Variants in ZNF469 observed in about 807,000 individuals in gnomAD.
ZNF469 encodes zinc finger protein 469.
ZNF469 carries 1 observed loss-of-function variant against 1.0 expected under a neutral mutation model. The ratio of observed to expected loss-of-function variants is 1.00; its 90% CI spans 0.35 to 4.73. ZNF469 has a LOEUF of 4.73. Among genes scored for constraint, ZNF469 ranks in the 30% most tolerant of loss-of-function variants. ZNF469 has a pLI of 0.16. For synonymous variants in ZNF469, 2,703 were observed against 2,363.4 expected (o/e 1.14, Z -4.17); for missense variants, 6,100 against 5,356.3 (o/e 1.14, Z -4.33).
At chr16:88,316,205 C>A in the ZNF469 span, among the ~76,000 whole-genome samples, 1 of 152,222 alleles carries the variant, frequency 6.6e-6, no homozygotes, top group Non-Finnish European at 1.5e-5. Context: ...TTTGAACAGT[C>A]CTAAGTCAGA....
the ZNF469 span, among the ~76,000 whole-genome samples, chr16:88,247,705 A>ATGAGTGAGTCAATGAGCGAG: frequency 1.3e-5 from 2 of 151,924 alleles, no homozygotes; most frequent in Admixed American, 1.3e-4. Flanking sequence ...GAGTGAGTGA[A>ATGAGTGAGTCAATGAGCGAG]TGAGTGAGTC....
At chr16:88,224,761 G>GTC in the ZNF469 span, among the ~76,000 whole-genome samples, 45 of 150,270 alleles carry the variant, frequency 3.0e-4, no homozygotes, top group African/African-American at 1.1e-3. Context: ...GTGCACGTGT[G>GTC]TGTCTGTAAG....
chr16:88,370,119 C>G, the ZNF469 span, among the ~76,000 whole-genome samples: 2,461 of 152,360 alleles, frequency 0.016, 67 homozygotes, highest in East Asian at 0.077. Context: ...TGTCTTCCCA[C>G]TGTTCCCAGG....
upstream of ZNF469, among the ~76,000 whole-genome samples, chr16:88,381,908 T>C (rs1319820965): frequency 1.3e-5 from 2 of 152,234 alleles, no homozygotes; most frequent in Non-Finnish European, 2.9e-5. Context: ...AGAAGGCCCG[T>C]GGTTAGGCCA....
the ZNF469 span, among the ~76,000 whole-genome samples, chr16:88,279,015 C>A: frequency 6.6e-6 from 1 of 151,110 alleles, no homozygotes; most frequent in Non-Finnish European, 1.5e-5. Flanking sequence ...ATGTAGATAT[C>A]ATTAGTGCTG....
At chr16:88,134,753 G>C in the ZNF469 span, among the ~76,000 whole-genome samples, 2 of 152,220 alleles carry the variant, frequency 1.3e-5, no homozygotes, top group Non-Finnish European at 2.9e-5. Context: ...CCTCGAGCAA[G>C]CTGGTGTCAT....
At chr16:88,186,032 G>C in the ZNF469 span, among the ~76,000 whole-genome samples, 3 of 152,192 alleles carry the variant, frequency 2.0e-5, no homozygotes, top group African/African-American at 7.2e-5. Context: ...CCCTCTCACA[G>C]GCCTTGTCCT....
chr16:88,221,394 T>C, the ZNF469 span, among the ~76,000 whole-genome samples: 9 of 152,160 alleles, frequency 5.9e-5, no homozygotes, highest in Non-Finnish European at 7.3e-5. Flanking sequence ...CCACACTTCC[T>C]CTCTGCTCCA....
the ZNF469 span, among the ~76,000 whole-genome samples, chr16:88,282,643 A>G: frequency 6.7e-3 from 1,024 of 152,308 alleles, 9 homozygotes; most frequent in African/African-American, 0.023. Context: ...TTGCAGACAC[A>G]GCCCCTTATC....
chr16:88,303,461 A>G, the ZNF469 span, among the ~76,000 whole-genome samples: 1 of 151,982 alleles, frequency 6.6e-6, no homozygotes, highest in Admixed American at 6.6e-5. Context: ...CAGCCCCTCC[A>G]AGGGCCCACC....
the ZNF469 span, among the ~76,000 whole-genome samples, chr16:88,188,463 A>T: frequency 6.6e-6 from 1 of 152,160 alleles, no homozygotes; most frequent in Admixed American, 6.5e-5. Flanking sequence ...CTGCTTAATG[A>T]CATCTTACAG....
chr16:88,105,845 A>G, the ZNF469 span, among the ~76,000 whole-genome samples: 2 of 152,278 alleles, frequency 1.3e-5, no homozygotes, highest in East Asian at 1.9e-4. Flanking sequence ...TTGGGTGGGA[A>G]AAGTCCCTGG....
the ZNF469 span, among the ~76,000 whole-genome samples, chr16:88,208,935 C>T: frequency 6.6e-6 from 1 of 151,722 alleles, no homozygotes; most frequent in Admixed American, 6.6e-5. Flanking sequence ...CTACCATTCT[C>T]AGGGTATTTG....
chr16:88,206,309 C>T, the ZNF469 span, among the ~76,000 whole-genome samples: 1 of 152,338 alleles, frequency 6.6e-6, no homozygotes, highest in South Asian at 2.1e-4. Context: ...GGCCCACTGG[C>T]TGGACAGACT....
the ZNF469 span, among the ~76,000 whole-genome samples, chr16:88,198,973 T>G: frequency 1.3e-5 from 2 of 152,308 alleles, no homozygotes; most frequent in South Asian, 2.1e-4. Context: ...CCGCCTCATG[T>G]TCTCTGTTAG....
chr16:88,267,750 G>C, the ZNF469 span, among the ~76,000 whole-genome samples: 1 of 149,542 alleles, frequency 6.7e-6, no homozygotes, highest in African/African-American at 2.6e-5. Flanking sequence ...AGGCTGTACT[G>C]GGGGCAGGGG....
chr16:88,230,732 C>T, the ZNF469 span, among the ~76,000 whole-genome samples: 2,411 of 19,420 alleles, frequency 0.12, 66 homozygotes, highest in Middle Eastern at 0.3. Flanking sequence ...CCGGGGACCC[C>T]CCCTAGAGGA....
chr16:88,401,651 GT>G (rs1402498942), intron 1 of ZNF469, among the ~76,000 whole-genome samples: 5 of 55,978 alleles, frequency 8.9e-5, no homozygotes, highest in East Asian at 3.8e-4. Context: ...GGATACATGG[GT>G]GGATGGGTAG....
chr16:88,257,062 C>A, the ZNF469 span, among the ~76,000 whole-genome samples: 1 of 150,280 alleles, frequency 6.7e-6, no homozygotes, highest in East Asian at 1.9e-4. Flanking sequence ...GATTCTCCTG[C>A]CTCAGCCTCC....
Sources: allele counts gnomAD v4.1 joint callset (sites outside exome capture counted in the v4.1 genomes callset), GRCh38; gene constraint gnomAD v4.1.1; transcripts MANE v1.5; gene names NCBI Gene and HGNC (gene_info 2026-07-23, HGNC 2026-07-21).